ZSCAN5A: variants seen among roughly 807,000 people sequenced by gnomAD.
The protein encoded by ZSCAN5A is zinc finger and SCAN domain containing 5A, also known as zinc finger and SCAN domain-containing protein 5A.
ZSCAN5A carries 12 observed loss-of-function variants against 23.7 expected under a neutral mutation model. The ratio of observed to expected loss-of-function variants is 0.51; its 90% CI spans 0.32 to 0.82. ZSCAN5A has a LOEUF of 0.82. Ranked by LOEUF, ZSCAN5A falls within the 40% of genes least tolerant of loss-of-function variation. ZSCAN5A has a pLI of 0.03. For missense variants in ZSCAN5A, 597 were observed against 617.9 expected (o/e 0.97, Z 0.36); for synonymous variants, 257 against 239.9 (o/e 1.07, Z -0.66).
At chr19:56,343,369 G>C (rs370443201) in intron 2 of ZSCAN5A, 2 of 562,744 alleles carry the variant, frequency 3.6e-6, no homozygotes, top group East Asian at 4.5e-5. Flanking sequence ...TTGTCTTAGA[G>C]CATTTTCTGA....
intron 2 of ZSCAN5A, among the ~76,000 whole-genome samples, chr19:56,294,859 A>C (rs1231842457): frequency 6.6e-6 from 1 of 152,230 alleles, no homozygotes; most frequent in Non-Finnish European, 1.5e-5. Flanking sequence ...CACAGTGCTC[A>C]GTCAAAGAAG....
chr19:56,334,871 C>A (rs893716816), intron 2 of ZSCAN5A, among the ~76,000 whole-genome samples: 26 of 152,208 alleles, frequency 1.7e-4, no homozygotes, highest in Non-Finnish European at 2.9e-5. Flanking sequence ...GGTGAAAACA[C>A]AAAAAGTCAG....
intron 1 of ZSCAN5A, chr19:56,367,326 C>T (rs2041776180): frequency 6.6e-6 from 1 of 152,142 alleles, no homozygotes; most frequent in Non-Finnish European, 1.5e-5. Flanking sequence ...GGTGCCACTG[C>T]ACTTCAGTGT....
At chr19:56,363,928 G>T (rs1326878488) in intron 1 of ZSCAN5A, among the ~76,000 whole-genome samples, 6 of 152,194 alleles carry the variant, frequency 3.9e-5, no homozygotes, top group Non-Finnish European at 7.3e-5. Context: ...TGTGGTAGAA[G>T]AGAAAAGCCT....
intron 2 of ZSCAN5A, among the ~76,000 whole-genome samples, chr19:56,333,210 C>T (rs1231445254): frequency 6.6e-6 from 1 of 152,024 alleles, no homozygotes; most frequent in East Asian, 1.9e-4. Flanking sequence ...ACCTCTCCAG[C>T]AAGATTAGGG....
At position 56,353,931 on chromosome 19, in the gene ZSCAN5A, T is replaced by C. The variant is rs188023366; in HGVS notation, c.-358+9304A>G. 8.7e-4 allele frequency among the ~76,000 whole-genome samples: 132 copies of C among 152,308 alleles called. 1 individual carries two copies. The highest frequency in any genetic ancestry group is 3.1e-3 in the African/African-American group (128 of 41,564). On this transcript the variant is annotated intron_variant, in intron 2 of 6. Transcript: ENST00000587340. The stretch of plus-strand genomic sequence containing the variant: ...ATGAACAGATAAACAGAATGTACTC[T>C]ATACAAACAATGGAATATTAGTCGC...
chr19:56,307,616 T>C (rs1184308257), intron 2 of ZSCAN5A, among the ~76,000 whole-genome samples: 1 of 152,202 alleles, frequency 6.6e-6, no homozygotes, highest in African/African-American at 2.4e-5. Context: ...TAATTGTTCA[T>C]ACGGAGAAAA....
At chr19:56,282,226 G>C (rs2038767743) in intron 2 of ZSCAN5A, among the ~76,000 whole-genome samples, 2 of 152,144 alleles carry the variant, frequency 1.3e-5, no homozygotes, top group Admixed American at 1.3e-4. Context: ...TTCAGCTGGA[G>C]AAGGGAGGGT....
chr19:56,329,599 T>C (rs1172025592), intron 2 of ZSCAN5A, among the ~76,000 whole-genome samples: 1 of 151,746 alleles, frequency 6.6e-6, no homozygotes, highest in African/African-American at 2.4e-5. Context: ...ATAATAATAA[T>C]TGGAGTAGAA....
chr19:56,357,670 A>G lies in ZSCAN5A; in HGVS notation c.-358+5565T>C, dbSNP rs1031834045. 9.4e-5 allele frequency among the ~76,000 whole-genome samples: 14 copies of G among 148,488 alleles called. 3 individuals carry two copies. The highest frequency in any genetic ancestry group is 3.6e-4 in the African/African-American group (14 of 39,240). On this transcript the variant is annotated intron_variant, in intron 2 of 6. Coordinates refer to the ZSCAN5A transcript ENST00000587340. ...AAACTACAAAAACACCCTGAAGTAC[A>G]CAGACCAACGACACCATGAAGCAAC...
intron 2 of ZSCAN5A, chr19:56,321,606 C>A: frequency 2.5e-6 from 2 of 805,300 alleles, no homozygotes; most frequent in African/African-American, 1.7e-5. Flanking sequence ...TATCTGGCAG[C>A]AGTCAGCACA....
rs138946977 is a variant in ZSCAN5A, at chr19:56,294,676, C to T, written c.-128+18607G>A. Among the ~76,000 whole-genome samples, 216 of 152,268 alleles carry T rather than the reference C, an allele frequency of 1.4e-3. 4 individuals carry two copies. The South Asian group carries it at 0.031, about 22-fold the overall frequency. Reference sequence around the variant, plus strand: ...TTATTTACAAAAGCAGTAGACAACACATTGTGAATGGGCATGGCTCTGTTC... The same window carrying T: ...TTATTTACAAAAGCAGTAGACAACATATTGTGAATGGGCATGGCTCTGTTC... On this transcript the variant is annotated intron_variant, in intron 2 of 5. Coordinates refer to ENST00000683990, the MANE Select transcript of ZSCAN5A (RefSeq NM_001322064.3).
chr19:56,288,066 T>C (rs907731180), intron 2 of ZSCAN5A, among the ~76,000 whole-genome samples: 1 of 152,156 alleles, frequency 6.6e-6, no homozygotes, highest in Non-Finnish European at 1.5e-5. Context: ...TTGCTGATGG[T>C]CACGAGGCTG....
chr19:56,244,799 T>G (rs200399539), intron 2 of ZSCAN5A, among the ~76,000 whole-genome samples: 2 of 148,236 alleles, frequency 1.3e-5, no homozygotes, highest in South Asian at 4.2e-4. Context: ...AAATATTAGG[T>G]CTGATGGAAT....
chr19:56,364,865 G>T (rs2041755451), intron 1 of ZSCAN5A: 1 of 152,182 alleles, frequency 6.6e-6, no homozygotes, highest in Non-Finnish European at 1.5e-5. Context: ...TGAATCTATG[G>T]GATAAACATC....
chr19:56,331,754 A>C (rs1187829909), intron 2 of ZSCAN5A, among the ~76,000 whole-genome samples: 1 of 151,346 alleles, frequency 6.6e-6, no homozygotes, highest in Non-Finnish European at 1.5e-5. Context: ...TGCCCGGCTA[A>C]TTTTTGTATT....
chr19:56,260,608 G>C (rs1440644782), intron 2 of ZSCAN5A, among the ~76,000 whole-genome samples: 1 of 151,798 alleles, frequency 6.6e-6, no homozygotes, highest in Non-Finnish European at 1.5e-5. Context: ...TAAAATATCA[G>C]TAGGACAAAA....
At chr19:56,306,107 T>C (rs563985612) in intron 2 of ZSCAN5A, among the ~76,000 whole-genome samples, 27 of 152,220 alleles carry the variant, frequency 1.8e-4, no homozygotes, top group Admixed American at 9.8e-4. Flanking sequence ...ACGGAAAGGC[T>C]GTCAGTGAGA....
Position 56,340,834 on chromosome 19 carries a change from C to A in ZSCAN5A, c.-358+22401G>T, listed in dbSNP as rs369167849. ...TTGTGCTTGAGAGTTGAAAATGAGACCACCTTGCCATGTCAATTCAGGTCT... is the reference window on the plus strand; with the variant it reads ...TTGTGCTTGAGAGTTGAAAATGAGAACACCTTGCCATGTCAATTCAGGTCT... On this transcript the variant is annotated intron_variant, in intron 2 of 6. Transcript: ENST00000587340. The A allele has an allele frequency of 3.3e-5, 5 of 152,298 alleles. No homozygotes were observed. The East Asian group carries it at 9.6e-4, about 29-fold the overall frequency. The allele number at this position is 152,298 out of a possible 1,614,324, so 9.4% of individuals were successfully genotyped here.
Sources: gnomAD v4.1 joint callset for allele counts (sites outside exome capture counted in the v4.1 genomes callset) on GRCh38, gnomAD v4.1.1 for gene constraint, MANE v1.5 for transcripts, NCBI Gene and HGNC (gene_info 2026-07-23, HGNC 2026-07-21) for gene names.